The following TMEM132D variants were observed in gnomAD, a reference collection of about 807,000 sequenced individuals.
TMEM132D encodes mature OL transmembrane protein.
A neutral mutation model predicts 62.3 loss-of-function variants in TMEM132D; 21 were observed. The ratio of observed to expected loss-of-function variants is 0.34; its 90% CI spans 0.24 to 0.49. The LOEUF is 0.49. Among genes scored for constraint, TMEM132D ranks in the 20% least tolerant of loss-of-function variants. The pLI, the probability that TMEM132D is intolerant of heterozygous loss-of-function variation, is 0.99. For missense variants in TMEM132D, 1,346 were observed against 1,402.8 expected (o/e 0.96, Z 0.65); for synonymous variants, 621 against 575.6 (o/e 1.08, Z -1.13).
At chr12:129,266,373 TCCCTCCTCTC>T (rs983027868) in intron 4 of TMEM132D, among the ~76,000 whole-genome samples, 4 of 150,410 alleles carry the variant, frequency 2.7e-5, no homozygotes, top group African/African-American at 9.7e-5. Flanking sequence ...TTTCTCCTCT[TCCCTCCTCTC>T]CCCTTCCTTT....
At chr12:129,841,317 G>GA (rs953202759) in intron 1 of TMEM132D, among the ~76,000 whole-genome samples, 119 of 146,256 alleles carry the variant, frequency 8.1e-4, no homozygotes, top group South Asian at 2.6e-3. Context: ...GATTAAAAAA[G>GA]AAAAAAAAAA....
At chr12:129,264,669 A>G (rs1360263086) in intron 4 of TMEM132D, among the ~76,000 whole-genome samples, 2 of 152,204 alleles carry the variant, frequency 1.3e-5, no homozygotes, top group Non-Finnish European at 2.9e-5. Flanking sequence ...AACCAACCCA[A>G]ATGCCCATCA....
intron 1 of TMEM132D, among the ~76,000 whole-genome samples, chr12:129,718,046 T>C (rs1278952061): frequency 6.6e-6 from 1 of 152,226 alleles, no homozygotes; most frequent in East Asian, 1.9e-4. Flanking sequence ...GGATTTCTTA[T>C]GAGGGTAGCT....
At chr12:129,450,858 G>A (rs529443372) in intron 3 of TMEM132D, among the ~76,000 whole-genome samples, 11 of 145,534 alleles carry the variant, frequency 7.6e-5, no homozygotes, top group African/African-American at 2.5e-4. Flanking sequence ...TCGGGTTCAA[G>A]CAATTCTCTG....
In TMEM132D at chr12:129,782,634, TA is replaced by T. The variant is rs1292330291; in HGVS notation, c.80-81937del. ...CAGGTGTATTCCTGATAAATCCATG[TA>T]AGTCACACAGGTGTATTCCTGATAA... On this transcript the variant is annotated intron_variant, in intron 1 of 8. Coordinates refer to ENST00000422113, the MANE Select transcript of TMEM132D (RefSeq NM_133448.3). 2.0e-5 allele frequency among the ~76,000 whole-genome samples: 3 copies of T among 152,236 alleles called. No homozygotes were observed. The East Asian group carries it at 5.8e-4, about 29-fold the overall frequency.
At chr12:129,815,561 G>A (rs1476179925) in intron 1 of TMEM132D, among the ~76,000 whole-genome samples, 2 of 152,144 alleles carry the variant, frequency 1.3e-5, no homozygotes, top group Admixed American at 6.5e-5. Flanking sequence ...CCATCTAGCC[G>A]ATATTTTAAA....
intron 4 of TMEM132D, among the ~76,000 whole-genome samples, chr12:129,304,343 C>T (rs1229479282): frequency 6.6e-6 from 1 of 152,168 alleles, no homozygotes; most frequent in Admixed American, 6.5e-5. Context: ...CCATATCCTA[C>T]AATACCATGC....
At chr12:129,760,126 C>T (rs1870304376) in intron 1 of TMEM132D, among the ~76,000 whole-genome samples, 1 of 151,772 alleles carries the variant, frequency 6.6e-6, no homozygotes, top group South Asian at 2.1e-4. Flanking sequence ...AGGCTGGCCT[C>T]GAACTCCTGG....
At chr12:129,825,802 G>A (rs61136586) in intron 1 of TMEM132D, among the ~76,000 whole-genome samples, 16,759 of 152,194 alleles carry the variant, frequency 0.11, 1,181 homozygotes, top group Middle Eastern at 0.16. Context: ...AGTGGCTCAC[G>A]CCTCTGATTC....
At chr12:129,402,350 T>C (rs1871648279) in intron 3 of TMEM132D, among the ~76,000 whole-genome samples, 1 of 152,156 alleles carries the variant, frequency 6.6e-6, no homozygotes, top group African/African-American at 2.4e-5. Flanking sequence ...CGACGGCATT[T>C]TCACAGGAAA....
At chr12:129,525,539 G>A (rs1310751780) in intron 3 of TMEM132D, among the ~76,000 whole-genome samples, 1 of 151,964 alleles carries the variant, frequency 6.6e-6, no homozygotes, top group Admixed American at 6.6e-5. Flanking sequence ...ATACTACATG[G>A]GTGCTTTAAG....
At chr12:129,149,259 G>A (rs1452015517) in intron 5 of TMEM132D, among the ~76,000 whole-genome samples, 1 of 152,078 alleles carries the variant, frequency 6.6e-6, no homozygotes, top group African/African-American at 2.4e-5. Flanking sequence ...GAGAGCACAA[G>A]AACAAATATG....
At chr12:129,156,246 C>T (rs927199952) in intron 5 of TMEM132D, among the ~76,000 whole-genome samples, 2 of 151,858 alleles carry the variant, frequency 1.3e-5, no homozygotes, top group South Asian at 2.1e-4. Context: ...CCCAAAATAA[C>T]CAAACCACTC....
chr12:129,712,270 T>A (rs970016716), intron 1 of TMEM132D, among the ~76,000 whole-genome samples: 1 of 152,044 alleles, frequency 6.6e-6, no homozygotes, highest in Admixed American at 6.5e-5. Context: ...AATTACAGGC[T>A]CACACCTCCA....
intron 1 of TMEM132D, among the ~76,000 whole-genome samples, chr12:129,717,370 A>G (rs1162462714): frequency 1.3e-5 from 2 of 152,162 alleles, no homozygotes; most frequent in Non-Finnish European, 2.9e-5. Context: ...TTACACAGAA[A>G]TGACATTCCA....
chr12:129,895,408 C>T lies in TMEM132D; in HGVS notation c.79+7853G>A, dbSNP rs145160324. On this transcript the variant is annotated intron_variant, in intron 1 of 8. Transcript: ENST00000422113. ...GATCACTTCTAAGTTTTGAGAGGTT[C>T]GGAGTGACCACAACAACCAGGAGGG... 3.6e-3 allele frequency among the ~76,000 whole-genome samples: 555 copies of T among 152,324 alleles called. 1 individual carries two copies. The highest frequency in any genetic ancestry group is 6.2e-3 in the Non-Finnish European group (421 of 68,030).
At chr12:129,329,365 G>C (rs1370881249) in intron 4 of TMEM132D, among the ~76,000 whole-genome samples, 1 of 152,266 alleles carries the variant, frequency 6.6e-6, no homozygotes, top group Non-Finnish European at 1.5e-5. Flanking sequence ...AGTGTGCTGT[G>C]CAGTGTGACT....
At chr12:129,309,041 C>T (rs1045492953) in intron 4 of TMEM132D, among the ~76,000 whole-genome samples, 5 of 152,218 alleles carry the variant, frequency 3.3e-5, no homozygotes, top group African/African-American at 4.8e-5. Flanking sequence ...GTACTCTTCA[C>T]AGCCTCAGTT....
chr12:129,426,909 C>T (rs1872517213), intron 3 of TMEM132D, among the ~76,000 whole-genome samples: 1 of 152,180 alleles, frequency 6.6e-6, no homozygotes. Context: ...CACCCGTGGC[C>T]TCTCATAGGT....
Sources: allele counts gnomAD v4.1 joint callset (sites outside exome capture counted in the v4.1 genomes callset), GRCh38; gene constraint gnomAD v4.1.1; transcripts MANE v1.5; gene names NCBI Gene and HGNC (gene_info 2026-07-23, HGNC 2026-07-21).